Variants in EPB41L5 observed in about 807,000 individuals in gnomAD.
EPB41L5 encodes the protein band 4.1-like protein 5.
Under a neutral mutation model 106.6 loss-of-function variants are expected in EPB41L5, and 55 were observed. That is an observed-to-expected ratio of 0.52 (90% CI 0.42 to 0.65). The LOEUF (loss-of-function observed/expected upper bound fraction) is 0.65. EPB41L5 is among the 30% of genes least tolerant of loss of function. EPB41L5 has a pLI of 0.00. For synonymous variants in EPB41L5, 297 were observed against 306.7 expected, an observed-to-expected ratio of 0.97 and a Z score of 0.33; for missense variants, 871 against 882.1, an observed-to-expected ratio of 0.99 and a Z score of 0.16.
intron 3 of EPB41L5, among the ~76,000 whole-genome samples, chr2:120,051,209 G>A (rs1160279218): frequency 6.6e-6 from 1 of 152,242 alleles, no homozygotes; most frequent in Non-Finnish European, 1.5e-5. Flanking sequence ...TAAGTCTGCA[G>A]AAGTTTCTGC....
intron 3 of EPB41L5, among the ~76,000 whole-genome samples, chr2:120,046,363 A>C (rs1679774832): frequency 6.6e-6 from 1 of 152,090 alleles, no homozygotes; most frequent in African/African-American, 2.4e-5. Context: ...CTGGTGTGAG[A>C]TGGTATCTCA....
chr2:120,063,348 A>C (rs1007025426), intron 3 of EPB41L5, among the ~76,000 whole-genome samples: 1 of 151,924 alleles, frequency 6.6e-6, no homozygotes, highest in Admixed American at 6.6e-5. Context: ...CTCAAAAAAA[A>C]AAAAAAAAAA....
At chr2:120,072,746 CAGGG>C (rs1681959134) in intron 3 of EPB41L5, among the ~76,000 whole-genome samples, 1 of 151,998 alleles carries the variant, frequency 6.6e-6, no homozygotes, top group African/African-American at 2.4e-5. Context: ...CACATGGACA[CAGGG>C]AGGGGAACAT....
At chr2:120,124,779 A>G (rs1268647242) in intron 16 of EPB41L5, among the ~76,000 whole-genome samples, 4 of 151,808 alleles carry the variant, frequency 2.6e-5, no homozygotes, top group Non-Finnish European at 5.9e-5. Flanking sequence ...TATTTTTTTT[A>G]CCTTTCATAA....
rs192042999 is a variant in EPB41L5 at position 120,140,170 on chromosome 2, G to A, written c.1600-2833G>A. On this transcript the variant is annotated intron_variant, in intron 18 of 24. Transcript: ENST00000263713. Reference sequence around the variant, plus strand: ...GGAAGGGTAGTATGGAGGGTGTGGGGAAAAGTGGGTATGGTTAATGGCTAC... The same window carrying A: ...GGAAGGGTAGTATGGAGGGTGTGGGAAAAAGTGGGTATGGTTAATGGCTAC... Among the ~76,000 whole-genome samples the A allele has an allele frequency of 1.8e-3, 276 of 152,104 alleles. 1 individual carries two copies. Among genetic ancestry groups the A allele is most frequent in the African/African-American group, 6.1e-3 (253 of 41,532 alleles).
chr2:120,164,391 T>C (rs1687297804), intron 21 of EPB41L5, among the ~76,000 whole-genome samples: 1 of 152,040 alleles, frequency 6.6e-6, no homozygotes, highest in Admixed American at 6.6e-5. Flanking sequence ...AGCTCAGTTT[T>C]TGTAAAGATG....
intron 16 of EPB41L5, among the ~76,000 whole-genome samples, chr2:120,125,373 A>G (rs541310867): frequency 6.6e-6 from 1 of 152,314 alleles, no homozygotes; most frequent in East Asian, 1.9e-4. Flanking sequence ...GGCCCCAGGC[A>G]ACTTACTGAG....
intron 16 of EPB41L5, among the ~76,000 whole-genome samples, chr2:120,102,727 TG>T (rs1332357611): frequency 6.6e-6 from 1 of 152,198 alleles, no homozygotes; most frequent in Non-Finnish European, 1.5e-5. Flanking sequence ...AGCATTTTTT[TG>T]CTGGTATCTT....
intron 21 of EPB41L5, among the ~76,000 whole-genome samples, chr2:120,163,264 C>T (rs879719532): frequency 7.3e-6 from 1 of 136,464 alleles, no homozygotes; most frequent in African/African-American, 2.7e-5. Flanking sequence ...CTCTGCCCCC[C>T]CCCCCCCCAA....
At chr2:120,094,866 T>C (rs1029745684) in intron 14 of EPB41L5, among the ~76,000 whole-genome samples, 2 of 152,192 alleles carry the variant, frequency 1.3e-5, no homozygotes, top group Non-Finnish European at 2.9e-5. Context: ...TGTCAAAATT[T>C]TATTTTTTTC....
rs527922376 is a variant in EPB41L5 at position 120,131,817 on chromosome 2, T to A, written c.1599+102T>A. ...CTTTCTTTTTTCTTTAGCTGGGAAA[T>A]CTGTCTGTGCTGAGTTCTTATAAAC... On this transcript the variant is annotated intron_variant, in intron 18 of 24. Coordinates refer to ENST00000263713, the MANE Select transcript of EPB41L5 (RefSeq NM_020909.4). 8 of 850,960 alleles carry A rather than the reference T, an allele frequency of 9.4e-6. No individual in the cohort carries two copies. The Admixed American group carries it at 1.8e-4, about 19-fold the overall frequency. The allele number at this position is 850,960 out of a possible 1,614,324, so 52.7% of individuals were successfully genotyped here.
At chr2:120,164,933 T>G (rs573503427) in intron 22 of EPB41L5, 23 bp downstream of exon 22, 4 of 1,529,560 alleles carry the variant, frequency 2.6e-6, no homozygotes, top group South Asian at 2.4e-5. Flanking sequence ...TAAAATAGTA[T>G]GATGGAAAGA....
intron 2 of EPB41L5, among the ~76,000 whole-genome samples, chr2:120,035,470 CT>C (rs1678986824): frequency 6.6e-6 from 1 of 152,088 alleles, no homozygotes; most frequent in African/African-American, 2.4e-5. Flanking sequence ...TGTTTAGTTG[CT>C]TAGAACAGTG....
intron 15 of EPB41L5, 39 bp downstream of exon 15, chr2:120,100,325 G>C (rs766586529): frequency 1.9e-6 from 3 of 1,570,898 alleles, no homozygotes; most frequent in Non-Finnish European, 2.6e-6. Flanking sequence ...TGGATCACCC[G>C]TTAATTATGG....
intron 2 of EPB41L5, among the ~76,000 whole-genome samples, chr2:120,032,340 T>C (rs1349438757): frequency 6.6e-6 from 1 of 152,148 alleles, no homozygotes; most frequent in African/African-American, 2.4e-5. Context: ...ATCATGCTAC[T>C]GCACCCCAGC....
chr2:120,159,279 C>T (rs1443155028), intron 20 of EPB41L5, among the ~76,000 whole-genome samples: 4 of 149,484 alleles, frequency 2.7e-5, no homozygotes, highest in Non-Finnish European at 3.0e-5. Flanking sequence ...AAAAAACAGC[C>T]GGGTGTGGTG....
chr2:120,082,192 T>C (rs1682721141), intron 10 of EPB41L5, among the ~76,000 whole-genome samples: 2 of 152,198 alleles, frequency 1.3e-5, no homozygotes, highest in Non-Finnish European at 2.9e-5. Flanking sequence ...TGTGCCAGTT[T>C]TCAAAGGGAA....
At chr2:120,048,934 A>G (rs1378293938) in intron 3 of EPB41L5, among the ~76,000 whole-genome samples, 1 of 152,194 alleles carries the variant, frequency 6.6e-6, no homozygotes, top group Non-Finnish European at 1.5e-5. Context: ...CCCAGTATTC[A>G]TTCAGGAGCA....
intron 3 of EPB41L5, among the ~76,000 whole-genome samples, chr2:120,056,478 T>C (rs1041011224): frequency 9.2e-5 from 14 of 152,006 alleles, no homozygotes; most frequent in Non-Finnish European, 2.1e-4. Flanking sequence ...TTTGTATTTT[T>C]AGTAGAGATG....
Sources: allele counts gnomAD v4.1 joint callset (sites outside exome capture counted in the v4.1 genomes callset), GRCh38; gene constraint gnomAD v4.1.1; transcripts MANE v1.5; gene names NCBI Gene and HGNC (gene_info 2026-07-23, HGNC 2026-07-21).